DPYD: variants seen among roughly 807,000 people sequenced by gnomAD.
DPYD encodes dihydropyrimidine dehydrogenase [NADP(+)].
In DPYD, 109 loss-of-function variants were observed where a neutral mutation model predicts 116.2. The observed-to-expected ratio is 0.94, with a 90% CI of 0.80 to 1.10. The LOEUF is 1.10. Ranked by LOEUF, DPYD falls within the 50% of genes least tolerant of loss-of-function variation. DPYD has a pLI of 0.00. For synonymous variants in DPYD, 440 were observed against 432.0 expected (o/e 1.02, Z -0.23); for missense variants, 1,302 against 1,254.5 (o/e 1.04, Z -0.57).
At chr1:97,661,344 G>A (rs1186492859) in intron 8 of DPYD, among the ~76,000 whole-genome samples, 1 of 152,074 alleles carries the variant, frequency 6.6e-6, no homozygotes, top group Admixed American at 6.5e-5. Context: ...AGCCTACAAT[G>A]GTAGAGACCA....
rs549383543 is a variant in DPYD at position 97,730,112 on chromosome 1, G to A, written c.322-8441C>T. On this transcript the variant is annotated intron_variant, in intron 4 of 22. Transcript: ENST00000370192. ...CGGTAGTCTTATATTTTTATGACGTGTCTTATTTTTTCTTTTATTAATGTC... is the reference window on the plus strand; with the variant it reads ...CGGTAGTCTTATATTTTTATGACGTATCTTATTTTTTCTTTTATTAATGTC... Among the ~76,000 whole-genome samples the A allele has an allele frequency of 1.8e-3, 278 of 152,126 alleles. 1 individual carries two copies. The highest frequency in any genetic ancestry group is 3.1e-3 in the Admixed American group (47 of 15,258).
At position 97,538,067 on chromosome 1, in the gene DPYD, C is replaced by CAAA. The variant is rs67281977; in HGVS notation, c.1524+11490_1524+11492dup. On this transcript the variant is annotated intron_variant, in intron 12 of 22. Transcript: ENST00000370192. ...GGGCAACAATAGTGAAACTCTGTCTCAAAAAAAAAAAAAAAAGTCAATTTA... is the reference window on the plus strand; with the variant it reads ...GGGCAACAATAGTGAAACTCTGTCTCAAAAAAAAAAAAAAAAAAAGTCAATTTA... Among the ~76,000 whole-genome samples the CAAA allele has an allele frequency of 3.1e-3, 387 of 124,532 alleles. 3 individuals carry two copies. In the Middle Eastern group the frequency reaches 0.039, roughly 13 times the overall value. 81.7% of individuals were successfully genotyped at this position (124,532 alleles called of 152,430 possible).
chr1:97,701,439 T>A (rs1468057497), intron 5 of DPYD, among the ~76,000 whole-genome samples: 1 of 151,720 alleles, frequency 6.6e-6, no homozygotes, highest in Non-Finnish European at 1.5e-5. Context: ...AAGTGGCCAA[T>A]GAATAAATCC....
intron 20 of DPYD, among the ~76,000 whole-genome samples, chr1:97,124,466 A>C (rs773005288): frequency 9.2e-5 from 14 of 152,026 alleles, no homozygotes; most frequent in Non-Finnish European, 2.1e-4. Context: ...CAGTTCAAGG[A>C]AACAAAAGGA....
chr1:97,896,398 C>T (rs1249830435), intron 1 of DPYD, among the ~76,000 whole-genome samples: 2 of 151,810 alleles, frequency 1.3e-5, no homozygotes, highest in Non-Finnish European at 1.5e-5. Flanking sequence ...ACCACTACTG[C>T]AAATGCTCTT....
At chr1:97,620,216 T>C (rs952663379) in intron 8 of DPYD, among the ~76,000 whole-genome samples, 2 of 152,126 alleles carry the variant, frequency 1.3e-5, no homozygotes, top group African/African-American at 4.8e-5. Context: ...TTTTGTCCTT[T>C]TAAAAAAAAT....
At chr1:97,141,388 C>A (rs187684716) in intron 20 of DPYD, among the ~76,000 whole-genome samples, 1 of 152,208 alleles carries the variant, frequency 6.6e-6, no homozygotes, top group Non-Finnish European at 1.5e-5. Flanking sequence ...ACTCCAGACA[C>A]CCTACTCTTG....
intron 2 of DPYD, among the ~76,000 whole-genome samples, chr1:97,863,215 C>T (rs1350269008): frequency 1.3e-5 from 2 of 151,844 alleles, no homozygotes; most frequent in Non-Finnish European, 2.9e-5. Flanking sequence ...CCTCCCCTTT[C>T]TTTGATAAAG....
At chr1:97,148,934 T>G (rs2101713444) in intron 20 of DPYD, among the ~76,000 whole-genome samples, 1 of 152,354 alleles carries the variant, frequency 6.6e-6, no homozygotes, top group Non-Finnish European at 1.5e-5. Context: ...TGCATCACTC[T>G]AAGTTTACAA....
At chr1:97,284,777 A>T (rs61786317) in intron 18 of DPYD, among the ~76,000 whole-genome samples, 1 of 152,066 alleles carries the variant, frequency 6.6e-6, no homozygotes, top group African/African-American at 2.4e-5. Context: ...TTTCTGGAGA[A>T]ATTCCTATGG....
At chr1:97,194,261 T>C (rs1335886345) in intron 19 of DPYD, among the ~76,000 whole-genome samples, 2 of 152,074 alleles carry the variant, frequency 1.3e-5, no homozygotes, top group Non-Finnish European at 2.9e-5. Context: ...ATCATGGGGA[T>C]GGTTATCTCC....
intron 16 of DPYD, among the ~76,000 whole-genome samples, chr1:97,326,855 G>C (rs899934304): frequency 6.6e-6 from 1 of 151,796 alleles, no homozygotes; most frequent in Non-Finnish European, 1.5e-5. Context: ...CATAAAATAC[G>C]TATAAAACAA....
chr1:97,702,776 T>A (rs541237901), intron 5 of DPYD, among the ~76,000 whole-genome samples: 6 of 152,084 alleles, frequency 3.9e-5, no homozygotes, highest in Non-Finnish European at 7.4e-5. Flanking sequence ...TACCAAATAA[T>A]ACACAATATG....
At chr1:97,247,206 T>C (rs1457300291) in intron 18 of DPYD, among the ~76,000 whole-genome samples, 1 of 152,182 alleles carries the variant, frequency 6.6e-6, no homozygotes, top group Admixed American at 6.5e-5. Context: ...TCTATACTTT[T>C]AACAAACATC....
intron 11 of DPYD, among the ~76,000 whole-genome samples, chr1:97,554,086 A>G (rs901325578): frequency 5.9e-5 from 9 of 152,224 alleles, no homozygotes; most frequent in Non-Finnish European, 1.2e-4. Flanking sequence ...GCATGAAATG[A>G]TTTTTTATAC....
chr1:97,349,446 T>C (rs1045197113), intron 16 of DPYD, among the ~76,000 whole-genome samples: 2 of 152,086 alleles, frequency 1.3e-5, no homozygotes, highest in African/African-American at 2.4e-5. Context: ...GCTGCACCCA[T>C]TAACTCGTCA....
intron 3 of DPYD, among the ~76,000 whole-genome samples, chr1:97,744,251 A>C (rs1664426297): frequency 6.6e-6 from 1 of 151,976 alleles, no homozygotes; most frequent in Non-Finnish European, 1.5e-5. Flanking sequence ...AGACAGTTTG[A>C]CTCCATAGTA....
chr1:97,334,551 G>A (rs1669188742), intron 16 of DPYD, among the ~76,000 whole-genome samples: 1 of 152,178 alleles, frequency 6.6e-6, no homozygotes, highest in Non-Finnish European at 1.5e-5. Context: ...TTCAGGCTAG[G>A]AGCAAAGACA....
intron 14 of DPYD, among the ~76,000 whole-genome samples, chr1:97,394,968 A>G (rs1029938553): frequency 6.6e-6 from 1 of 152,008 alleles, no homozygotes; most frequent in African/African-American, 2.4e-5. Flanking sequence ...GGACAAAACA[A>G]TGGTTTCTAA....
Sources: allele counts gnomAD v4.1 joint callset (sites outside exome capture counted in the v4.1 genomes callset), GRCh38; gene constraint gnomAD v4.1.1; transcripts MANE v1.5; gene names NCBI Gene and HGNC (gene_info 2026-07-23, HGNC 2026-07-21).